The following MRPL1 variants were observed in gnomAD, a reference collection of about 807,000 sequenced individuals.
MRPL1 encodes the protein large ribosomal subunit protein uL1m.
A neutral mutation model predicts 38.0 loss-of-function variants in MRPL1; 28 were observed. The observed-to-expected ratio is 0.74, with a 90% CI of 0.55 to 1.01. The LOEUF (loss-of-function observed/expected upper bound fraction) is 1.01, where lower values mean the gene tolerates loss of function less well. Ranked by LOEUF, MRPL1 falls within the 50% of genes least tolerant of loss-of-function variation. The pLI, the probability that MRPL1 is intolerant of heterozygous loss-of-function variation, is 0.00. For synonymous variants in MRPL1, 123 were observed against 126.7 expected (o/e 0.97, Z 0.20); for missense variants, 358 against 389.8 (o/e 0.92, Z 0.69).
At chr4:77,935,772 A>G (rs1736956744) in intron 7 of MRPL1, among the ~76,000 whole-genome samples, 1 of 152,076 alleles carries the variant, frequency 6.6e-6, no homozygotes, top group South Asian at 2.1e-4. Context: ...CTCTAGTAAA[A>G]ATACAAAAAA....
chr4:77,863,013 G>A, intron 1 of MRPL1, 134 bp downstream of exon 1: 1 of 1,112,976 alleles, frequency 9.0e-7, no homozygotes, highest in Non-Finnish European at 1.3e-6. Context: ...TTTTTCAGAG[G>A]GTGGGTCATT....
chr4:77,878,288 T>G (rs1338455277), intron 2 of MRPL1, among the ~76,000 whole-genome samples: 1 of 152,258 alleles, frequency 6.6e-6, no homozygotes, highest in East Asian at 1.9e-4. Context: ...ACAGAACTTC[T>G]GCATTTAGTT....
At chr4:77,891,709 C>G (rs1735810827) in intron 5 of MRPL1, among the ~76,000 whole-genome samples, 1 of 152,138 alleles carries the variant, frequency 6.6e-6, no homozygotes, top group Non-Finnish European at 1.5e-5. Context: ...AGTTACCTCT[C>G]AAGAAAGAAA....
In MRPL1 at chr4:77,885,355, C is replaced by A; in HGVS notation, c.486+16C>A. ...ATTTACAGAGGTGAGTAACTTCCGT[C>A]AACTATTTATATCATTTAATTTTTT... is the stretch of plus-strand genomic sequence containing the variant. On this transcript the variant is annotated intron_variant, in intron 4 of 8. Transcript: ENST00000315567. The A allele has an allele frequency of 6.3e-7, 1 of 1,580,492 alleles. No individual in the cohort carries two copies.
chr4:77,878,811 G>A (rs962575720), intron 2 of MRPL1, among the ~76,000 whole-genome samples: 2 of 152,030 alleles, frequency 1.3e-5, no homozygotes, highest in Non-Finnish European at 2.9e-5. Context: ...CCTGGGAGGC[G>A]GACGTTGCAG....
chr4:77,897,748 A>G (rs1735949740), intron 6 of MRPL1, among the ~76,000 whole-genome samples: 1 of 152,224 alleles, frequency 6.6e-6, no homozygotes, highest in Admixed American at 6.5e-5. Flanking sequence ...AGTACCTTGT[A>G]CTTCAGGGTT....
chr4:77,920,900 A>C (rs987570733), intron 7 of MRPL1, among the ~76,000 whole-genome samples: 4 of 151,932 alleles, frequency 2.6e-5, no homozygotes, highest in Non-Finnish European at 4.4e-5. Flanking sequence ...GTAGGTGGGG[A>C]TTACAGGCGC....
At chr4:77,890,573 G>T (rs1011651722) in intron 5 of MRPL1, among the ~76,000 whole-genome samples, 1 of 152,166 alleles carries the variant, frequency 6.6e-6, no homozygotes, top group Non-Finnish European at 1.5e-5. Context: ...TTGAAAACTG[G>T]CACAAGACAG....
At chr4:77,951,133 G>A (rs1478584279) in intron 8 of MRPL1, among the ~76,000 whole-genome samples, 1 of 152,198 alleles carries the variant, frequency 6.6e-6, no homozygotes, top group Non-Finnish European at 1.5e-5. Flanking sequence ...GCCTCCCAAA[G>A]TACTGGGATT....
At chr4:77,898,063 T>C (rs910667276) in intron 6 of MRPL1, among the ~76,000 whole-genome samples, 4 of 152,180 alleles carry the variant, frequency 2.6e-5, no homozygotes, top group African/African-American at 9.7e-5. Context: ...CCTCAGGTCT[T>C]TGGATTTACT....
rs566949469 is a variant in MRPL1, at chr4:77,939,075, C to A, written c.778-10722C>A. On this transcript the variant is annotated intron_variant, in intron 7 of 8. Coordinates refer to ENST00000315567, the MANE Select transcript of MRPL1 (RefSeq NM_020236.4). ...CTTTTATCCCTCACTCCCCTCCCAC[C>A]CTTTCCCTTGATTCCCCAAAGTCCA... Among the ~76,000 whole-genome samples the A allele has an allele frequency of 2.0e-3, 308 of 152,274 alleles. 1 individual carries two copies. Among genetic ancestry groups the A allele is most frequent in the Non-Finnish European group, 3.2e-3 (216 of 68,014 alleles).
intron 2 of MRPL1, among the ~76,000 whole-genome samples, chr4:77,876,838 A>G (rs1735406810): frequency 1.3e-5 from 2 of 152,206 alleles, no homozygotes; most frequent in African/African-American, 4.8e-5. Flanking sequence ...AAAGGCCATT[A>G]GGTTGAGTCT....
intron 7 of MRPL1, among the ~76,000 whole-genome samples, chr4:77,914,707 A>T (rs1384861573): frequency 7.3e-6 from 1 of 137,916 alleles, no homozygotes; most frequent in Non-Finnish European, 1.6e-5. Flanking sequence ...AAGATGTGGT[A>T]TTTGTGTGTG....
chr4:77,938,956 G>A (rs1737055636), intron 7 of MRPL1, among the ~76,000 whole-genome samples: 1 of 152,128 alleles, frequency 6.6e-6, no homozygotes, highest in South Asian at 2.1e-4. Flanking sequence ...GGAACAGGTG[G>A]TGTTTGGTTA....
At chr4:77,923,396 C>G (rs1578056198) in intron 7 of MRPL1, among the ~76,000 whole-genome samples, 1 of 152,064 alleles carries the variant, frequency 6.6e-6, no homozygotes, top group South Asian at 2.1e-4. Flanking sequence ...GTGCCCGACC[C>G]TGGTTTGTCC....
intron 7 of MRPL1, among the ~76,000 whole-genome samples, chr4:77,943,060 G>T (rs1737172434): frequency 6.6e-6 from 1 of 152,166 alleles, no homozygotes; most frequent in Non-Finnish European, 1.5e-5. Context: ...AGCAGTTCTT[G>T]TAGTGCTGGG....
intron 6 of MRPL1, among the ~76,000 whole-genome samples, chr4:77,905,673 A>G (rs1013223858): frequency 6.6e-6 from 1 of 152,156 alleles, no homozygotes; most frequent in Non-Finnish European, 1.5e-5. Context: ...AAAAACTAAA[A>G]TCTACATCAT....
chr4:77,948,632 T>C lies in MRPL1; in HGVS notation c.778-1165T>C, dbSNP rs1198259396. On this transcript the variant is annotated intron_variant, in intron 7 of 8. Coordinates refer to ENST00000315567, the MANE Select transcript of MRPL1 (RefSeq NM_020236.4). ...AGGATTTTTTAAGGAGGAATTCTCT[T>C]TATGCTTATGCGGGGCACATTTCTC... Among the ~76,000 whole-genome samples, 5 of 152,196 alleles carry C rather than the reference T, an allele frequency of 3.3e-5. No individual in the cohort carries two copies. In the East Asian group the frequency reaches 9.6e-4, roughly 29 times the overall value.
At chr4:77,896,184 T>G (rs1358299782) in intron 6 of MRPL1, among the ~76,000 whole-genome samples, 1 of 151,660 alleles carries the variant, frequency 6.6e-6, no homozygotes, top group Non-Finnish European at 1.5e-5. Flanking sequence ...GGTTTTTTTT[T>G]TCTCATTGGC....
Sources: allele counts gnomAD v4.1 joint callset (sites outside exome capture counted in the v4.1 genomes callset), GRCh38; gene constraint gnomAD v4.1.1; transcripts MANE v1.5; gene names NCBI Gene and HGNC (gene_info 2026-07-23, HGNC 2026-07-21).